The following CDH8 variants were observed in gnomAD, a reference collection of about 807,000 sequenced individuals.
The protein encoded by CDH8 is cadherin 8.
A neutral mutation model predicts 68.1 loss-of-function variants in CDH8; 17 were observed. That is an observed-to-expected ratio of 0.25 (90% CI 0.17 to 0.37). CDH8 has a LOEUF of 0.37. Ranked by LOEUF, CDH8 falls within the 10% of genes least tolerant of loss-of-function variation. The pLI is 1.00. For missense variants in CDH8, 763 were observed against 999.3 expected, an observed-to-expected ratio of 0.76 and a Z score of 3.19; for synonymous variants, 372 against 365.1, an observed-to-expected ratio of 1.02 and a Z score of -0.21.
intron 8 of CDH8, among the ~76,000 whole-genome samples, chr16:61,788,499 T>G (rs1040637578): frequency 2.0e-5 from 3 of 152,060 alleles, no homozygotes; most frequent in African/African-American, 7.2e-5. Flanking sequence ...AAAGAAGCTA[T>G]TCAGATAATA....
At chr16:61,878,974 A>G (rs1963514911) in intron 3 of CDH8, among the ~76,000 whole-genome samples, 1 of 152,146 alleles carries the variant, frequency 6.6e-6, no homozygotes, top group African/African-American at 2.4e-5. Context: ...ATTTTAAGCT[A>G]TTACTTGAAG....
intron 8 of CDH8, among the ~76,000 whole-genome samples, chr16:61,775,606 G>T (rs185631862): frequency 6.6e-6 from 1 of 152,088 alleles, no homozygotes; most frequent in Non-Finnish European, 1.5e-5. Context: ...TTGCTCACCG[G>T]GGCTTCCTGT....
At chr16:61,723,346 G>A (rs949351949) in intron 9 of CDH8, among the ~76,000 whole-genome samples, 1 of 150,652 alleles carries the variant, frequency 6.6e-6, no homozygotes, top group African/African-American at 2.4e-5. Context: ...TTTGTTACCT[G>A]TTCCTCCACT....
rs776437451 is a variant in CDH8, at chr16:61,653,773, C to T, written c.2235G>A (p.Gln745=). 1.2e-6 allele frequency: 2 copies of T among 1,614,202 alleles called. No individual in the cohort carries two copies. The highest frequency in any genetic ancestry group is 2.2e-5 in the South Asian group (2 of 91,086). Residue 745 remains glutamine, a synonymous_variant, in exon 12 of 12, where the codon CAG becomes CAA. Coordinates refer to ENST00000577390, the MANE Select transcript of CDH8 (RefSeq NM_001796.5). ...DPTAPPYDSI[Q]IYGYEGRGSV... ...ACCCTCGGCCTTCATAGCCATATAT[C>T]TGAATGGAGTCATATGGCGGGGCCG...
intron 2 of CDH8, among the ~76,000 whole-genome samples, chr16:62,016,569 C>T (rs1901945327): frequency 6.6e-6 from 1 of 152,142 alleles, no homozygotes; most frequent in African/African-American, 2.4e-5. Flanking sequence ...AACAAATAAG[C>T]ATAATTGGGC....
intron 2 of CDH8, among the ~76,000 whole-genome samples, chr16:61,989,003 A>G (rs1280055172): frequency 2.0e-5 from 3 of 152,182 alleles, no homozygotes; most frequent in African/African-American, 7.2e-5. Context: ...AGACTTGAAT[A>G]GAGTTCCTAA....
chr16:62,020,567 C>T (rs1238584543), intron 2 of CDH8, among the ~76,000 whole-genome samples: 1 of 152,100 alleles, frequency 6.6e-6, no homozygotes, highest in Non-Finnish European at 1.5e-5. Context: ...TTGATTTCAC[C>T]TGACAATGAA....
intron 2 of CDH8, among the ~76,000 whole-genome samples, chr16:61,911,646 C>T (rs1964165025): frequency 6.7e-6 from 1 of 148,754 alleles, no homozygotes; most frequent in African/African-American, 2.5e-5. Flanking sequence ...ACCTCTCTCT[C>T]TTTTTCACTC....
chr16:61,882,859 GC>G (rs1226083368), intron 3 of CDH8, among the ~76,000 whole-genome samples: 1 of 152,150 alleles, frequency 6.6e-6, no homozygotes, highest in Non-Finnish European at 1.5e-5. Context: ...TGCACATCTT[GC>G]ACATGTACCC....
intron 2 of CDH8, among the ~76,000 whole-genome samples, chr16:61,921,133 T>C (rs1357901772): frequency 3.5e-5 from 5 of 143,986 alleles, no homozygotes; most frequent in East Asian, 4.4e-4. Flanking sequence ...AGGGATAGCA[T>C]TGGGAGATAT....
At chr16:61,776,747 A>T (rs1379867629) in intron 8 of CDH8, among the ~76,000 whole-genome samples, 1 of 152,100 alleles carries the variant, frequency 6.6e-6, no homozygotes, top group Non-Finnish European at 1.5e-5. Flanking sequence ...ATTAGCATTG[A>T]CATTATTATC....
intron 2 of CDH8, among the ~76,000 whole-genome samples, chr16:61,926,865 T>A (rs1964464422): frequency 6.6e-6 from 1 of 152,224 alleles, no homozygotes; most frequent in Admixed American, 6.5e-5. Flanking sequence ...TATTATGTAC[T>A]TTTTATTTGA....
Position 61,852,852 on chromosome 16 carries a change from C to CCCTTCCTTTCTTCCTTCCTT in CDH8, c.667+4266_667+4267insAAGGAAGGAAGAAAGGAAGG, listed in dbSNP as rs1962963926. ...CTTCCTCCAGCTCTCCCTGACTCTG[C>CCCTTCCTTTCTTCCTTCCTT]CCTTCCTTCCTTCCTTCCTTCCTTC... On this transcript the variant is annotated intron_variant, in intron 4 of 11. Transcript: ENST00000577390. Among the ~76,000 whole-genome samples the CCCTTCCTTTCTTCCTTCCTT allele has an allele frequency of 1.5e-5, 2 of 133,100 alleles. 1 individual carries two copies. Among genetic ancestry groups the CCCTTCCTTTCTTCCTTCCTT allele is most frequent in the South Asian group, 5.2e-4 (2 of 3,862 alleles). 87.3% of individuals were successfully genotyped at this position (133,100 alleles called of 152,430 possible).
intron 2 of CDH8, among the ~76,000 whole-genome samples, chr16:61,952,385 C>T (rs1964912122): frequency 6.6e-6 from 1 of 152,012 alleles, no homozygotes; most frequent in African/African-American, 2.4e-5. Flanking sequence ...ATTTGTGTTG[C>T]TAAGTGTTAT....
At chr16:61,951,797 G>T (rs931805097) in intron 2 of CDH8, among the ~76,000 whole-genome samples, 3 of 151,942 alleles carry the variant, frequency 2.0e-5, no homozygotes, top group Non-Finnish European at 1.5e-5. Context: ...TTATTGAAAG[G>T]GTTATGATTT....
intron 2 of CDH8, among the ~76,000 whole-genome samples, chr16:62,010,887 G>A (rs913452870): frequency 2.1e-4 from 32 of 151,148 alleles, no homozygotes; most frequent in African/African-American, 7.8e-4. Context: ...AGGTTTTGGT[G>A]AGCCAAGATC....
chr16:61,653,345 G>A lies in CDH8; in HGVS notation c.*263C>T, dbSNP rs868795766. 15 of 1,228,990 alleles carry A rather than the reference G, an allele frequency of 1.2e-5. 1 individual carries two copies. Among genetic ancestry groups the A allele is most frequent in the Middle Eastern group, 6.3e-4 (2 of 3,150 alleles). The allele number at this position is 1,228,990 out of a possible 1,614,324, so 76.1% of individuals were successfully genotyped here. A position where few individuals can be genotyped will look rare whatever the true frequency, so the allele number is the denominator to read the frequency against. On this transcript the variant is annotated 3_prime_UTR_variant, in exon 12 of 12. Transcript: ENST00000577390. ...GCCAGGATCCCAATCTTTGTCTGTG[G>A]TGGTCAGGTAAATATCAAATATCCA...
chr16:61,959,613 C>T (rs59807976), intron 2 of CDH8, among the ~76,000 whole-genome samples: 1,942 of 144,972 alleles, frequency 0.013, 37 homozygotes, highest in African/African-American at 0.042. Context: ...TATATATATA[C>T]GCATACATAT....
rs952456219 is a variant in CDH8 at position 61,907,296 on chromosome 16, C to T, written c.253-5823G>A. ...ATTGAGTAAATTACACAGGAAATTG[C>T]TTCCACATTTGAAAATCAGGTAGCT... On this transcript the variant is annotated intron_variant, in intron 2 of 11. Coordinates refer to ENST00000577390, the MANE Select transcript of CDH8 (RefSeq NM_001796.5). Among the ~76,000 whole-genome samples, 10 of 152,092 alleles carry T rather than the reference C, an allele frequency of 6.6e-5. 1 individual carries two copies. The highest frequency in any genetic ancestry group is 2.4e-4 in the African/African-American group (10 of 41,402).
Sources: gnomAD v4.1 joint callset for allele counts (sites outside exome capture counted in the v4.1 genomes callset) on GRCh38, gnomAD v4.1.1 for gene constraint, MANE v1.5 for transcripts, NCBI Gene and HGNC (gene_info 2026-07-23, HGNC 2026-07-21) for gene names.